The following ADAM17 variants were observed in gnomAD, a reference collection of about 807,000 sequenced individuals.
ADAM17 encodes disintegrin and metalloproteinase domain-containing protein 17.
In ADAM17, 39 loss-of-function variants were observed where a neutral mutation model predicts 96.7. The ratio of observed to expected loss-of-function variants is 0.40; its 90% confidence interval spans 0.31 to 0.53. The LOEUF (loss-of-function observed/expected upper bound fraction) is 0.53, where lower values mean the gene tolerates loss of function less well. Among genes scored for constraint, ADAM17 ranks in the 20% least tolerant of loss-of-function variants. The probability of loss-of-function intolerance (pLI) is 0.44; values close to 1 mark genes in which losing one functional copy is unlikely to be tolerated. For synonymous variants in ADAM17, 344 were observed against 359.2 expected (o/e 0.96, Z 0.48); for missense variants, 777 against 1,013.2 (o/e 0.77, Z 3.17).
At chr2:9,554,039 G>A (rs926419584) in intron 1 of ADAM17, among the ~76,000 whole-genome samples, 1 of 152,138 alleles carries the variant, frequency 6.6e-6, no homozygotes, top group Non-Finnish European at 1.5e-5. Flanking sequence ...CTCCAGCCTG[G>A]GCAACAGAGC....
intron 11 of ADAM17, among the ~76,000 whole-genome samples, chr2:9,505,844 T>C (rs1183914180): frequency 1.3e-5 from 2 of 152,206 alleles, no homozygotes; most frequent in Non-Finnish European, 2.9e-5. Flanking sequence ...TGGCTACTTA[T>C]ATGGATGATC....
At chr2:9,501,871 A>C (rs190136518) in intron 13 of ADAM17, among the ~76,000 whole-genome samples, 1 of 152,166 alleles carries the variant, frequency 6.6e-6, no homozygotes, top group African/African-American at 2.4e-5. Flanking sequence ...AAAAACACAT[A>C]CATGCACAAA....
chr2:9,491,011 T>G (rs1662093837), intron 18 of ADAM17, 90 bp downstream of exon 18: 1 of 1,178,560 alleles, frequency 8.5e-7, no homozygotes, highest in Admixed American at 2.0e-5. Flanking sequence ...CATCAGCCAG[T>G]GAAAGCTCTT....
At position 9,488,602 on chromosome 2, in the gene ADAM17, T is replaced by C; in HGVS notation, c.*1575A>G. ...ACTATGTTTTTAAAAAGTCACAATT[T>C]TATAAAAATGGTTTTTCTTACATTC... On this transcript the variant is annotated 3_prime_UTR_variant, in exon 19 of 19. Transcript: ENST00000310823. 3.6e-6 allele frequency: 1 copy of C among 274,640 alleles called. No individual in the cohort carries two copies. The highest frequency in any genetic ancestry group is 6.7e-6 in the Non-Finnish European group (1 of 148,932). 17.0% of individuals were successfully genotyped at this position (274,640 alleles called of 1,614,324 possible). A position where few individuals can be genotyped will look rare whatever the true frequency, so the allele number is the denominator to read the frequency against.
chr2:9,548,133 G>GACCA (rs1665468196), intron 1 of ADAM17, among the ~76,000 whole-genome samples: 1 of 151,426 alleles, frequency 6.6e-6, no homozygotes. Flanking sequence ...AGGAGTTAGA[G>GACCA]ACCAGCCTGG....
At chr2:9,541,032 A>C (rs983524476) in intron 2 of ADAM17, among the ~76,000 whole-genome samples, 2 of 152,234 alleles carry the variant, frequency 1.3e-5, no homozygotes, top group Admixed American at 6.5e-5. Flanking sequence ...CCTTCCAGGA[A>C]TATATCCTAT....
chr2:9,490,596 C>T, intron 18 of ADAM17, 78 bp from the exon 19 acceptor site: 1 of 1,385,410 alleles, frequency 7.2e-7, no homozygotes, highest in Non-Finnish European at 9.7e-7. Flanking sequence ...CCTTACCCAT[C>T]AAACAGCCTC....
chr2:9,517,771 AT>A (rs1388721927), intron 10 of ADAM17, 129 bp downstream of exon 10: 2 of 597,316 alleles, frequency 3.3e-6, no homozygotes, highest in Non-Finnish European at 5.2e-6. Flanking sequence ...AAATACATAA[AT>A]TTTATTTAGG....
intron 2 of ADAM17, 152 bp from the exon 3 acceptor site, chr2:9,536,980 T>C (rs1664984380): frequency 2.3e-6 from 2 of 863,672 alleles, no homozygotes; most frequent in Admixed American, 5.9e-5. Flanking sequence ...CTTAGAGCAA[T>C]ATATCTCCTG....
intron 1 of ADAM17, among the ~76,000 whole-genome samples, chr2:9,552,250 G>C (rs951930153): frequency 3.9e-5 from 6 of 152,170 alleles, no homozygotes; most frequent in African/African-American, 1.4e-4. Flanking sequence ...ATTGGCCTTG[G>C]AGGAAACCTA....
chr2:9,501,440 A>G (rs1292065345), intron 13 of ADAM17, among the ~76,000 whole-genome samples: 2 of 152,138 alleles, frequency 1.3e-5, no homozygotes, highest in East Asian at 1.9e-4. Context: ...GTACCCAGAG[A>G]AACACACAGG....
At chr2:9,541,395 T>A (rs1665199666) in intron 2 of ADAM17, among the ~76,000 whole-genome samples, 1 of 152,038 alleles carries the variant, frequency 6.6e-6, no homozygotes, top group South Asian at 2.1e-4. Context: ...AAACCTCATC[T>A]CTACTAAAAA....
intron 2 of ADAM17, 139 bp from the exon 3 acceptor site, chr2:9,536,967 G>A (rs2125035685): frequency 1.0e-6 from 1 of 970,162 alleles, no homozygotes; most frequent in Non-Finnish European, 1.5e-6. Context: ...GTCTTATTAG[G>A]TACTTAGAGC....
At chr2:9,492,838 T>C in intron 17 of ADAM17, 60 bp downstream of exon 17, 2 of 1,413,712 alleles carry the variant, frequency 1.4e-6, no homozygotes, top group Non-Finnish European at 1.9e-6. Context: ...AGAGATTACA[T>C]GGTTGGAGTT....
At chr2:9,530,373 G>A (rs1405642836) in intron 4 of ADAM17, among the ~76,000 whole-genome samples, 10 of 152,164 alleles carry the variant, frequency 6.6e-5, no homozygotes. Flanking sequence ...CTCACTATGT[G>A]CCTTGGACAA....
At chr2:9,502,712 C>G (rs1004861809) in intron 12 of ADAM17, among the ~76,000 whole-genome samples, 1 of 151,746 alleles carries the variant, frequency 6.6e-6, no homozygotes, top group African/African-American at 2.4e-5. Flanking sequence ...AACCCCATCT[C>G]TACTAAAAAT....
chr2:9,514,792 A>G (rs940197614), intron 10 of ADAM17, among the ~76,000 whole-genome samples: 10 of 151,698 alleles, frequency 6.6e-5, no homozygotes, highest in South Asian at 2.1e-4. Context: ...AGAGAATGGC[A>G]TGAACCCAGG....
intron 1 of ADAM17, among the ~76,000 whole-genome samples, chr2:9,545,784 C>T (rs1350273566): frequency 6.6e-6 from 1 of 152,096 alleles, no homozygotes; most frequent in Non-Finnish European, 1.5e-5. Flanking sequence ...TTTTAAATGT[C>T]GTTCACAAAA....
At chr2:9,490,622 T>C in intron 18 of ADAM17, 104 bp from the exon 19 acceptor site, 8 of 1,237,116 alleles carry the variant, frequency 6.5e-6, no homozygotes, top group Non-Finnish European at 8.8e-6. Context: ...CTGTTGGCAC[T>C]GTGATGCTAA....
Sources: gnomAD v4.1 joint callset for allele counts (sites outside exome capture counted in the v4.1 genomes callset) on GRCh38, gnomAD v4.1.1 for gene constraint, MANE v1.5 for transcripts, NCBI Gene and HGNC (gene_info 2026-07-23, HGNC 2026-07-21) for gene names.